MEIS2: variants seen among roughly 807,000 people sequenced by gnomAD.
MEIS2 encodes Meis homeobox 2.
MEIS2 carries 9 observed loss-of-function variants against 58.6 expected under a neutral mutation model. The ratio of observed to expected loss-of-function variants is 0.15; its 90% CI spans 0.09 to 0.27. The LOEUF (loss-of-function observed/expected upper bound fraction) is 0.27. Ranked by LOEUF, MEIS2 falls within the 10% of genes least tolerant of loss-of-function variation. The pLI is 1.00. For synonymous variants in MEIS2, 221 were observed against 228.4 expected, an observed-to-expected ratio of 0.97 and a Z score of 0.29; for missense variants, 427 against 635.0, an observed-to-expected ratio of 0.67 and a Z score of 3.52.
At chr15:37,080,432 C>T (rs552920364) in intron 7 of MEIS2, among the ~76,000 whole-genome samples, 1 of 152,148 alleles carries the variant, frequency 6.6e-6, no homozygotes, top group South Asian at 2.1e-4. Flanking sequence ...CTACACAAAC[C>T]CATCAATAAT....
intron 8 of MEIS2, among the ~76,000 whole-genome samples, chr15:36,961,753 G>A (rs890372849): frequency 9.2e-5 from 14 of 151,864 alleles, no homozygotes; most frequent in African/African-American, 2.9e-4. Flanking sequence ...TTCATCAACT[G>A]GACAAAAGAA....
At position 36,890,005 on chromosome 15, in the gene MEIS2, A is replaced by G. The variant is rs1411990188; in HGVS notation, c.*2168T>C. The G allele has an allele frequency of 4.6e-5, 7 of 152,220 alleles. No individual in the cohort carries two copies. The highest frequency in any genetic ancestry group is 1.0e-4 in the Non-Finnish European group (7 of 68,016). The allele number at this position is 152,220 out of a possible 1,614,324, so 9.4% of individuals were successfully genotyped here. A position where few individuals can be genotyped will look rare whatever the true frequency, so the allele number is the denominator to read the frequency against. The stretch of plus-strand genomic sequence containing the variant: ...ACCTGACTAAATATAACACAAAACA[A>G]TAGAAGTGTATTTCCTCGTTCATTT... On this transcript the variant is annotated 3_prime_UTR_variant, in exon 12 of 12. Transcript: ENST00000561208.
Position 36,947,747 on chromosome 15 carries a change from C to T in MEIS2, c.977+2577G>A, listed in dbSNP as rs529038737. ...TGTTTAGGAACTACACTCTGATCCC[C>T]TCTGCTTTTTGACTGAGCACTCTCA... On this transcript the variant is annotated intron_variant, in intron 9 of 11. Coordinates refer to ENST00000561208, the MANE Select transcript of MEIS2 (RefSeq NM_170675.5). 7.9e-5 allele frequency among the ~76,000 whole-genome samples: 12 copies of T among 152,034 alleles called. No homozygotes were observed. The South Asian group carries it at 2.3e-3, about 29-fold the overall frequency.
chr15:37,012,222 G>A (rs2061188139), intron 8 of MEIS2, among the ~76,000 whole-genome samples: 1 of 152,192 alleles, frequency 6.6e-6, no homozygotes, highest in African/African-American at 2.4e-5. Flanking sequence ...AAGGAACATT[G>A]ATGGGTACTT....
intron 8 of MEIS2, among the ~76,000 whole-genome samples, chr15:36,962,252 T>G (rs2059210705): frequency 6.6e-6 from 1 of 152,210 alleles, no homozygotes. Flanking sequence ...ATATCCAGCA[T>G]AATGTGAATG....
At chr15:37,022,087 G>A (rs2061543884) in intron 8 of MEIS2, among the ~76,000 whole-genome samples, 1 of 151,114 alleles carries the variant, frequency 6.6e-6, no homozygotes, top group African/African-American at 2.4e-5. Flanking sequence ...CATAATTTTT[G>A]TGTACTTTTA....
chr15:36,975,584 AG>A (rs2059718130), intron 8 of MEIS2, among the ~76,000 whole-genome samples: 1 of 151,450 alleles, frequency 6.6e-6, no homozygotes, highest in Non-Finnish European at 1.5e-5. Flanking sequence ...TGAGAAGGTA[AG>A]TGATGTGCTT....
chr15:37,008,882 C>T (rs938836312), intron 8 of MEIS2, among the ~76,000 whole-genome samples: 3 of 152,164 alleles, frequency 2.0e-5, no homozygotes, highest in African/African-American at 7.2e-5. Context: ...GAGAATAAAG[C>T]AGAATGGAAC....
rs1343022423 is a variant in MEIS2, at chr15:36,920,117, CTTTT to C, written c.978-23435_978-23432del. On this transcript the variant is annotated intron_variant, in intron 9 of 11. Transcript: ENST00000561208. ...CAGCAACACTTAGCAACCTATACTG[CTTTT>C]ATTTATTTATTTATTTATTTATTTA... 3.2e-5 allele frequency among the ~76,000 whole-genome samples: 4 copies of C among 125,772 alleles called. No individual in the cohort carries two copies. In the South Asian group the frequency reaches 1.1e-3, roughly 34 times the overall value. 82.5% of individuals were successfully genotyped at this position (125,772 alleles called of 152,430 possible).
chr15:36,963,795 T>C (rs1431755922), intron 8 of MEIS2, among the ~76,000 whole-genome samples: 2 of 152,216 alleles, frequency 1.3e-5, no homozygotes, highest in Non-Finnish European at 1.5e-5. Context: ...AGATTGAAAT[T>C]AGCATTTTGG....
At chr15:37,022,885 G>A (rs879846260) in intron 8 of MEIS2, among the ~76,000 whole-genome samples, 3 of 151,156 alleles carry the variant, frequency 2.0e-5, no homozygotes, top group Non-Finnish European at 3.0e-5. Flanking sequence ...TTGAACTCTT[G>A]ACCTCGTGAT....
At chr15:36,955,846 C>G (rs1251779585) in intron 8 of MEIS2, among the ~76,000 whole-genome samples, 1 of 151,742 alleles carries the variant, frequency 6.6e-6, no homozygotes, top group Non-Finnish European at 1.5e-5. Flanking sequence ...ATCCTTGTCT[C>G]TAGCTGTTGA....
chr15:36,978,829 T>C (rs2059842403), intron 8 of MEIS2, among the ~76,000 whole-genome samples: 1 of 152,208 alleles, frequency 6.6e-6, no homozygotes, highest in Non-Finnish European at 1.5e-5. Context: ...TATTCCACAA[T>C]ATGGATGCAC....
intron 7 of MEIS2, among the ~76,000 whole-genome samples, chr15:37,039,808 A>G (rs1429145615): frequency 2.0e-5 from 3 of 152,224 alleles, no homozygotes. Context: ...ATGACTACAT[A>G]CTAGACACAA....
chr15:37,037,006 C>A, intron 7 of MEIS2, 47 bp from the exon 8 acceptor site: 2 of 1,552,050 alleles, frequency 1.3e-6, no homozygotes, highest in South Asian at 1.2e-5. Flanking sequence ...TCGCAAGGTG[C>A]CAACAACAAG....
chr15:37,052,597 C>T (rs765118926), intron 7 of MEIS2, among the ~76,000 whole-genome samples: 7 of 152,186 alleles, frequency 4.6e-5, no homozygotes, highest in Non-Finnish European at 7.4e-5. Context: ...CACTTACTAT[C>T]GGCCAATTAT....
At chr15:36,938,497 AG>A (rs1265648196) in intron 9 of MEIS2, among the ~76,000 whole-genome samples, 2 of 152,216 alleles carry the variant, frequency 1.3e-5, no homozygotes, top group African/African-American at 4.8e-5. Flanking sequence ...ATGCTGAATT[AG>A]CCACCAAAAC....
At chr15:37,023,895 G>A (rs2061606937) in intron 8 of MEIS2, among the ~76,000 whole-genome samples, 1 of 145,398 alleles carries the variant, frequency 6.9e-6, no homozygotes, top group Non-Finnish European at 1.5e-5. Flanking sequence ...ATCTTCACTG[G>A]CCTCCTTTTC....
intron 7 of MEIS2, among the ~76,000 whole-genome samples, chr15:37,038,832 C>T (rs1179531666): frequency 6.6e-6 from 1 of 152,212 alleles, no homozygotes; most frequent in Non-Finnish European, 1.5e-5. Flanking sequence ...GAGACACACA[C>T]ACATACACGC....
Sources: gnomAD v4.1 joint callset for allele counts (sites outside exome capture counted in the v4.1 genomes callset) on GRCh38, gnomAD v4.1.1 for gene constraint, MANE v1.5 for transcripts, NCBI Gene and HGNC (gene_info 2026-07-23, HGNC 2026-07-21) for gene names.